Variants in ZNF804B observed in about 807,000 individuals in gnomAD.
ZNF804B encodes the protein zinc finger 804B.
In ZNF804B, 80 loss-of-function variants were observed where a neutral mutation model predicts 101.4. That is an observed-to-expected ratio of 0.79 (90% CI 0.66 to 0.95). The LOEUF (loss-of-function observed/expected upper bound fraction) is 0.95, where lower values mean the gene tolerates loss of function less well. Among genes scored for constraint, ZNF804B ranks in the 40% least tolerant of loss-of-function variants. The probability of loss-of-function intolerance (pLI) is 0.00; values close to 1 mark genes in which losing one functional copy is unlikely to be tolerated. For synonymous variants in ZNF804B, 622 were observed against 558.8 expected (o/e 1.11, Z -1.59); for missense variants, 1,673 against 1,561.9 (o/e 1.07, Z -1.20).
intron 1 of ZNF804B, among the ~76,000 whole-genome samples, chr7:88,988,857 A>G (rs1216964917): frequency 3.3e-5 from 5 of 152,172 alleles, no homozygotes; most frequent in Middle Eastern, 3.2e-3. Context: ...AAGGATTTAT[A>G]TAACTTGCTG....
At position 89,336,807 on chromosome 7, in the gene ZNF804B, C is replaced by T. The variant is rs770393106; in HGVS notation, c.3825C>T (p.Pro1275=). Reference sequence around the variant, plus strand: ...CCCTGCATTTAGTAGCTGCTACCCCCTTCCACCCATCTCACATAACACTTC... The same window carrying T: ...CCCTGCATTTAGTAGCTGCTACCCCTTTCCACCCATCTCACATAACACTTC... ...GHPLHLVAAT[P]FHPSHITLQP... Residue 1275 remains proline, a synonymous_variant, in exon 4 of 4, where the codon CCC becomes CCT. Coordinates refer to ENST00000333190, the MANE Select transcript of ZNF804B (RefSeq NM_181646.5). 1 of 1,614,076 alleles carries T rather than the reference C, an allele frequency of 6.2e-7. No homozygotes were observed.
At chr7:88,788,266 A>C (rs1336818560) in intron 1 of ZNF804B, among the ~76,000 whole-genome samples, 1 of 152,116 alleles carries the variant, frequency 6.6e-6, no homozygotes, top group East Asian at 1.9e-4. Context: ...CATGGCAACA[A>C]GGCCCTACAT....
At chr7:89,036,243 C>T (rs1181681850) in intron 1 of ZNF804B, among the ~76,000 whole-genome samples, 1 of 151,136 alleles carries the variant, frequency 6.6e-6, no homozygotes, top group Non-Finnish European at 1.5e-5. Flanking sequence ...TGACTTTATT[C>T]TTGGCTAAAC....
At chr7:89,253,388 A>G (rs1789572145) in intron 2 of ZNF804B, among the ~76,000 whole-genome samples, 1 of 152,208 alleles carries the variant, frequency 6.6e-6, no homozygotes, top group Admixed American at 6.5e-5. Flanking sequence ...GTACATTAAT[A>G]TGAAAGACAA....
At chr7:89,133,725 C>T (rs112157426) in intron 1 of ZNF804B, among the ~76,000 whole-genome samples, 9 of 151,966 alleles carry the variant, frequency 5.9e-5, no homozygotes, top group African/African-American at 2.2e-4. Flanking sequence ...TAGAAATAAA[C>T]GTCATGGCTA....
intron 1 of ZNF804B, among the ~76,000 whole-genome samples, chr7:89,013,685 TAACTC>T (rs1161112072): frequency 6.6e-6 from 1 of 152,138 alleles, no homozygotes; most frequent in South Asian, 2.1e-4. Flanking sequence ...ATATAATTGA[TAACTC>T]TAGTCTAGAC....
At chr7:89,042,769 T>C (rs1789035885) in intron 1 of ZNF804B, among the ~76,000 whole-genome samples, 1 of 152,176 alleles carries the variant, frequency 6.6e-6, no homozygotes, top group Admixed American at 6.5e-5. Context: ...AACTTTGAAA[T>C]CTAGAGTTTC....
chr7:89,137,922 G>A (rs1363399400), intron 1 of ZNF804B, among the ~76,000 whole-genome samples: 1 of 152,042 alleles, frequency 6.6e-6, no homozygotes, highest in Non-Finnish European at 1.5e-5. Flanking sequence ...TGCATTCTAG[G>A]GACTTGGTGC....
intron 1 of ZNF804B, among the ~76,000 whole-genome samples, chr7:88,959,826 A>G (rs1009230702): frequency 1.3e-5 from 2 of 151,542 alleles, no homozygotes; most frequent in East Asian, 3.9e-4. Flanking sequence ...GCTACCACGC[A>G]AAAATTCATC....
At chr7:88,946,915 AG>A (rs1793139425) in intron 1 of ZNF804B, among the ~76,000 whole-genome samples, 1 of 151,990 alleles carries the variant, frequency 6.6e-6, no homozygotes, top group Non-Finnish European at 1.5e-5. Flanking sequence ...ACGAAAAAAA[AG>A]CTCATCATCA....
At chr7:89,245,144 T>C (rs1394929396) in intron 2 of ZNF804B, among the ~76,000 whole-genome samples, 1 of 152,072 alleles carries the variant, frequency 6.6e-6, no homozygotes, top group Non-Finnish European at 1.5e-5. Context: ...ACTGAAAATA[T>C]TACAACCAAA....
chr7:89,017,209 T>A (rs1011612089), intron 1 of ZNF804B, among the ~76,000 whole-genome samples: 2 of 152,222 alleles, frequency 1.3e-5, no homozygotes, highest in Non-Finnish European at 2.9e-5. Flanking sequence ...TTTGCTGAAG[T>A]TGCTTATCAG....
At chr7:89,174,744 T>C (rs1434151387) in intron 1 of ZNF804B, among the ~76,000 whole-genome samples, 1 of 151,974 alleles carries the variant, frequency 6.6e-6, no homozygotes, top group Non-Finnish European at 1.5e-5. Context: ...TTTCCATATC[T>C]TTGCCAACAT....
chr7:89,255,724 C>T (rs73399147), intron 2 of ZNF804B, among the ~76,000 whole-genome samples: 5,340 of 151,614 alleles, frequency 0.035, 293 homozygotes, highest in African/African-American at 0.12. Context: ...CTAAGGAAAA[C>T]GATAATTTAA....
intron 1 of ZNF804B, among the ~76,000 whole-genome samples, chr7:88,970,125 A>G (rs1293350235): frequency 6.6e-6 from 1 of 150,852 alleles, no homozygotes; most frequent in East Asian, 2.0e-4. Context: ...CAAAGCAGTA[A>G]TTGTGCAAAG....
At chr7:88,995,814 ATGT>A (rs1416215782) in intron 1 of ZNF804B, among the ~76,000 whole-genome samples, 1 of 152,030 alleles carries the variant, frequency 6.6e-6, no homozygotes, top group African/African-American at 2.4e-5. Flanking sequence ...TGCCTTTGTT[ATGT>A]TGTTATGAGA....
intron 1 of ZNF804B, among the ~76,000 whole-genome samples, chr7:89,197,327 T>C (rs926938209): frequency 2.6e-5 from 4 of 151,934 alleles, no homozygotes; most frequent in African/African-American, 9.7e-5. Flanking sequence ...TTAAAAGTTT[T>C]TCCAGGGACA....
intron 1 of ZNF804B, among the ~76,000 whole-genome samples, chr7:88,892,599 G>A (rs1282958001): frequency 6.6e-6 from 1 of 151,914 alleles, no homozygotes; most frequent in Non-Finnish European, 1.5e-5. Flanking sequence ...ATGTATCCTT[G>A]TTGTTCTTTG....
intron 1 of ZNF804B, among the ~76,000 whole-genome samples, chr7:88,999,045 C>G (rs1788242927): frequency 6.6e-6 from 1 of 152,006 alleles, no homozygotes; most frequent in African/African-American, 2.4e-5. Context: ...TTCACTAGCT[C>G]TTATGTTCTT....
Sources: allele counts gnomAD v4.1 joint callset (sites outside exome capture counted in the v4.1 genomes callset), GRCh38; gene constraint gnomAD v4.1.1; transcripts MANE v1.5; gene names NCBI Gene and HGNC (gene_info 2026-07-23, HGNC 2026-07-21).